The following TGFBI variants were observed in gnomAD, a reference collection of about 807,000 sequenced individuals.
TGFBI encodes the protein transforming growth factor-beta-induced protein ig-h3.
In TGFBI, 50 loss-of-function variants were observed where a neutral mutation model predicts 73.7. The ratio of observed to expected loss-of-function variants is 0.68; its 90% CI spans 0.54 to 0.86. TGFBI has a LOEUF of 0.86. TGFBI is among the 40% of genes least tolerant of loss of function. The pLI is 0.00. For missense variants in TGFBI, 839 were observed against 877.0 expected, an observed-to-expected ratio of 0.96 and a Z score of 0.55; for synonymous variants, 362 against 360.5, an observed-to-expected ratio of 1.00 and a Z score of -0.05.
chr5:136,031,495 A>G (rs935887191), intron 1 of TGFBI, among the ~76,000 whole-genome samples: 1 of 152,232 alleles, frequency 6.6e-6, no homozygotes, highest in East Asian at 1.9e-4. Flanking sequence ...TCTACTGTTC[A>G]TGTTCCCATT....
chr5:136,056,498 C>T, intron 11 of TGFBI, 167 bp from the exon 12 acceptor site: 4 of 783,058 alleles, frequency 5.1e-6, no homozygotes, highest in Non-Finnish European at 8.2e-6. Context: ...GAATCACTCC[C>T]TCTTTGTGCA....
intron 2 of TGFBI, among the ~76,000 whole-genome samples, chr5:136,035,517 C>A (rs45472895): frequency 2.8e-4 from 42 of 149,750 alleles, no homozygotes; most frequent in Middle Eastern, 3.5e-3. Flanking sequence ...CCCAGCTACT[C>A]GGGAGGCTGA....
intron 3 of TGFBI, among the ~76,000 whole-genome samples, chr5:136,045,282 C>T (rs1345438190): frequency 6.6e-6 from 1 of 152,142 alleles, no homozygotes; most frequent in Non-Finnish European, 1.5e-5. Context: ...GTGGCTCACG[C>T]CTGTAATCCT....
At chr5:136,048,177 A>C (rs1751468377) in intron 6 of TGFBI, 1 of 152,234 alleles carries the variant, frequency 6.6e-6, no homozygotes, top group Non-Finnish European at 1.5e-5. Context: ...CAGGCCTCGC[A>C]GGTGTGGATG....
chr5:136,060,101 G>A (rs1190992881), intron 13 of TGFBI, among the ~76,000 whole-genome samples: 2 of 149,112 alleles, frequency 1.3e-5, no homozygotes, highest in Non-Finnish European at 3.0e-5. Flanking sequence ...AATGGAAAGA[G>A]CCTTTTGCCC....
intron 13 of TGFBI, among the ~76,000 whole-genome samples, chr5:136,060,419 G>A (rs1016040804): frequency 8.5e-5 from 13 of 152,330 alleles, no homozygotes; most frequent in African/African-American, 2.4e-4. Flanking sequence ...CATATGAAAA[G>A]TGTTCAGTAG....
intron 1 of TGFBI, among the ~76,000 whole-genome samples, chr5:136,032,030 T>C (rs1751130039): frequency 6.6e-6 from 1 of 152,204 alleles, no homozygotes; most frequent in Admixed American, 6.5e-5. Flanking sequence ...CTTGATCAGA[T>C]TGAAGAGCTT....
intron 13 of TGFBI, 53 bp from the exon 14 acceptor site, chr5:136,060,781 T>C (rs1751733876): frequency 7.6e-7 from 1 of 1,323,608 alleles, no homozygotes; most frequent in Non-Finnish European, 1.0e-6. Flanking sequence ...AATAAATATA[T>C]AAATGTATAA....
rs961237698 is a variant in TGFBI at position 136,029,060 on chromosome 5, C to T, written c.5C>T (p.Ala2Val). The T allele has an allele frequency of 2.0e-6, 3 of 1,527,392 alleles. No homozygotes were observed. Among genetic ancestry groups the T allele is most frequent in the Non-Finnish European group, 2.6e-6 (3 of 1,144,114 alleles). 94.6% of individuals were successfully genotyped at this position (1,527,392 alleles called of 1,614,324 possible). MALFVRLLALAL... is the reference protein window; with the variant it reads MVLFVRLLALAL... ...CGGTGCGCGTCGTCCCGCTCCATGG[C>T]GCTCTTCGTGCGGCTGCTGGCTCTC... Residue 2 changes from alanine to valine, a missense_variant, in exon 1 of 17, where the codon GCG becomes GTG. By Grantham distance (64) the Ala-to-Val change is moderately conservative. Transcript: ENST00000442011.
chr5:136,049,743 C>A, intron 7 of TGFBI, 163 bp downstream of exon 7: 1 of 767,512 alleles, frequency 1.3e-6, no homozygotes, highest in Non-Finnish European at 2.0e-6. Context: ...TTCAGCTAAC[C>A]GTGTCTCTAG....
Position 136,063,690 on chromosome 5 carries a change from C to G in TGFBI, c.*464C>G. The G allele has an allele frequency of 6.1e-6, 1 of 162,692 alleles. No homozygotes were observed. The highest frequency in any genetic ancestry group is 6.1e-5 in the Admixed American group (1 of 16,392). 10.1% of individuals were successfully genotyped at this position (162,692 alleles called of 1,614,324 possible). A position where few individuals can be genotyped will look rare whatever the true frequency, so the allele number is the denominator to read the frequency against. ...GAAATGTTCTGTCAAATGTGTCTCACATCTACACGTGGCTTGGAGGCTTTT... is the reference window on the plus strand; with the variant it reads ...GAAATGTTCTGTCAAATGTGTCTCAGATCTACACGTGGCTTGGAGGCTTTT... On this transcript the variant is annotated 3_prime_UTR_variant, in exon 17 of 17. Coordinates refer to ENST00000442011, the MANE Select transcript of TGFBI (RefSeq NM_000358.3).
At chr5:136,049,388 G>C in intron 6 of TGFBI, 51 bp from the exon 7 acceptor site, 1 of 1,596,958 alleles carries the variant, frequency 6.3e-7, no homozygotes, top group Non-Finnish European at 8.6e-7. Context: ...CATCTTCTGT[G>C]GGGAGTGCCA....
chr5:136,047,555 C>A, intron 6 of TGFBI, 135 bp downstream of exon 6: 2 of 1,028,936 alleles, frequency 1.9e-6, no homozygotes, highest in Non-Finnish European at 2.9e-6. Flanking sequence ...CCCTGAATGC[C>A]CTTGAACATG....
intron 2 of TGFBI, 117 bp downstream of exon 2, chr5:136,033,978 T>C (rs1751170677): frequency 2.4e-6 from 2 of 840,920 alleles, no homozygotes; most frequent in Non-Finnish European, 4.0e-6. Context: ...AAGATGCATG[T>C]GCGAACATGT....
intron 1 of TGFBI, among the ~76,000 whole-genome samples, chr5:136,032,668 C>T (rs888996116): frequency 2.0e-5 from 3 of 152,104 alleles, no homozygotes; most frequent in Non-Finnish European, 4.4e-5. Context: ...GTTTTATTTG[C>T]TTTCCTCTGA....
At chr5:136,032,142 G>A (rs563471700) in intron 1 of TGFBI, among the ~76,000 whole-genome samples, 1 of 152,264 alleles carries the variant, frequency 6.6e-6, no homozygotes, top group East Asian at 1.9e-4. Flanking sequence ...ATCCTAGGCA[G>A]CAAACAGAAA....
In TGFBI at chr5:136,063,297, G is replaced by A; in HGVS notation, c.*71G>A. 7.1e-7 allele frequency: 1 copy of A among 1,417,350 alleles called. No individual in the cohort carries two copies. Among genetic ancestry groups the A allele is most frequent in the South Asian group, 1.2e-5 (1 of 84,142 alleles). 87.8% of individuals were successfully genotyped at this position (1,417,350 alleles called of 1,614,324 possible). On this transcript the variant is annotated 3_prime_UTR_variant, in exon 17 of 17. Coordinates refer to ENST00000442011, the MANE Select transcript of TGFBI (RefSeq NM_000358.3). The stretch of plus-strand genomic sequence containing the variant: ...TTTCTCTCAGATTTCCACAGAGACT[G>A]TTTGAATGTTTTCAAAACCAAGTAT...
chr5:136,058,815 G>A (rs1751695443), intron 12 of TGFBI: 1 of 316,648 alleles, frequency 3.2e-6, no homozygotes, highest in Middle Eastern at 8.9e-4. Context: ...CAGCCAGGGA[G>A]CCCAGCATCC....
intron 7 of TGFBI, among the ~76,000 whole-genome samples, chr5:136,051,432 G>GA (rs1214075134): frequency 1.3e-5 from 2 of 150,712 alleles, no homozygotes; most frequent in East Asian, 2.0e-4. Context: ...TCTCTCAAAA[G>GA]AAAAAAACAA....
Sources: allele counts gnomAD v4.1 joint callset (sites outside exome capture counted in the v4.1 genomes callset), GRCh38; gene constraint gnomAD v4.1.1; transcripts MANE v1.5; gene names NCBI Gene and HGNC (gene_info 2026-07-23, HGNC 2026-07-21).